Variants in LIN52 observed in about 807,000 individuals in gnomAD.
The protein encoded by LIN52 is lin-52 DREAM MuvB core complex component.
Under a neutral mutation model 18.5 loss-of-function variants are expected in LIN52, and 4 were observed. That is an observed-to-expected ratio of 0.22 (90% CI 0.11 to 0.49). The LOEUF is 0.49. Ranked by LOEUF, LIN52 falls within the 20% of genes least tolerant of loss-of-function variation. The probability of loss-of-function intolerance (pLI) is 0.97; values close to 1 mark genes in which losing one functional copy is unlikely to be tolerated. For synonymous variants in LIN52, 34 were observed against 45.5 expected, an observed-to-expected ratio of 0.75 and a Z score of 1.02; for missense variants, 102 against 139.5, an observed-to-expected ratio of 0.73 and a Z score of 1.35.
chr14:74,173,924 C>A (rs1432031757), intron 5 of LIN52, among the ~76,000 whole-genome samples: 3 of 152,324 alleles, frequency 2.0e-5, no homozygotes, highest in Admixed American at 2.0e-4. Flanking sequence ...AAGGACAGGG[C>A]AAGCTTCCTT....
In LIN52 at chr14:74,199,246, T is replaced by C. The variant is rs2078932879; in HGVS notation, c.*269T>C. 3.0e-6 allele frequency: 1 copy of C among 333,128 alleles called. No homozygotes were observed. The highest frequency in any genetic ancestry group is 5.4e-6 in the Non-Finnish European group (1 of 183,576). 20.6% of individuals were successfully genotyped at this position (333,128 alleles called of 1,614,324 possible). ...CGGATATTGGTAACAGCTGAGGGCA[T>C]ATCATTCTTAAAGGTCGAAGTCCTG... On this transcript the variant is annotated 3_prime_UTR_variant, in exon 6 of 6. Coordinates refer to ENST00000555028, the MANE Select transcript of LIN52 (RefSeq NM_001024674.3).
intron 5 of LIN52, among the ~76,000 whole-genome samples, chr14:74,173,249 A>T (rs1328797612): frequency 1.3e-5 from 2 of 152,028 alleles, no homozygotes; most frequent in Admixed American, 1.3e-4. Flanking sequence ...GTGCAATGGC[A>T]TGATCTCAGC....
At chr14:74,191,156 A>T (rs777889957) in intron 5 of LIN52, among the ~76,000 whole-genome samples, 2 of 152,246 alleles carry the variant, frequency 1.3e-5, no homozygotes, top group African/African-American at 2.4e-5. Context: ...AACGTTGCAC[A>T]TTCCTGCGAG....
chr14:74,139,013 C>G (rs957699810), intron 5 of LIN52, among the ~76,000 whole-genome samples: 1 of 149,456 alleles, frequency 6.7e-6, no homozygotes, highest in Non-Finnish European at 1.5e-5. Flanking sequence ...AAGGTGTCAT[C>G]AAGGACTAAA....
intron 5 of LIN52, among the ~76,000 whole-genome samples, chr14:74,181,107 C>CAAAAAA (rs149099646): frequency 7.3e-5 from 7 of 96,110 alleles, no homozygotes; most frequent in Admixed American, 1.2e-4. Context: ...GACTCTGTCT[C>CAAAAAA]AAAAAAAAAA....
chr14:74,177,794 T>C (rs1049787964), intron 5 of LIN52, among the ~76,000 whole-genome samples: 1 of 152,204 alleles, frequency 6.6e-6, no homozygotes, highest in Non-Finnish European at 1.5e-5. Flanking sequence ...TATTTATTTA[T>C]TGAGATGGAG....
intron 5 of LIN52, among the ~76,000 whole-genome samples, chr14:74,188,644 C>A (rs2061350328): frequency 6.6e-6 from 1 of 151,934 alleles, no homozygotes; most frequent in Admixed American, 6.6e-5. Flanking sequence ...TTCATCTCTG[C>A]CTGTTCTGGT....
chr14:74,100,141 T>TTAC (rs2060843368), intron 4 of LIN52, among the ~76,000 whole-genome samples: 1 of 152,206 alleles, frequency 6.6e-6, no homozygotes, highest in African/African-American at 2.4e-5. Context: ...TAATGTGGAC[T>TTAC]TACAATTAAC....
chr14:74,130,278 G>GTGTTTTTTTTTTTTTTTTTTTT (rs1566856480), intron 5 of LIN52, among the ~76,000 whole-genome samples: 71 of 64,822 alleles, frequency 1.1e-3, no homozygotes, highest in South Asian at 2.0e-3. Flanking sequence ...GCATTTTTTG[G>GTGTTTTTTTTTTTTTTTTTTTT]TTTTTTTTTT....
intron 5 of LIN52, among the ~76,000 whole-genome samples, chr14:74,185,822 C>T (rs758226221): frequency 3.9e-5 from 6 of 152,088 alleles, no homozygotes; most frequent in African/African-American, 1.2e-4. Flanking sequence ...TGTAGTGACA[C>T]GATCATCCCT....
At chr14:74,091,030 C>G (rs1395064087) in intron 1 of LIN52, among the ~76,000 whole-genome samples, 1 of 152,186 alleles carries the variant, frequency 6.6e-6, no homozygotes, top group Non-Finnish European at 1.5e-5. Context: ...ATATCATTCC[C>G]ATTCATAGAT....
chr14:74,105,053 CAT>C (rs1430052083), intron 5 of LIN52, among the ~76,000 whole-genome samples: 1 of 152,158 alleles, frequency 6.6e-6, no homozygotes, highest in African/African-American at 2.4e-5. Flanking sequence ...CTTCTACTGG[CAT>C]GATGGGATAA....
chr14:74,129,289 A>T (rs1199412545), intron 5 of LIN52, among the ~76,000 whole-genome samples: 1 of 152,206 alleles, frequency 6.6e-6, no homozygotes, highest in Non-Finnish European at 1.5e-5. Flanking sequence ...TTAAATCTCA[A>T]TGCCACGATA....
intron 5 of LIN52, among the ~76,000 whole-genome samples, chr14:74,113,439 A>G (rs1449354292): frequency 3.3e-5 from 5 of 152,098 alleles, no homozygotes; most frequent in African/African-American, 1.2e-4. Context: ...GAACACAAAG[A>G]TGGGTAGAAA....
At chr14:74,140,190 A>G (rs1383030046) in intron 5 of LIN52, among the ~76,000 whole-genome samples, 2 of 152,162 alleles carry the variant, frequency 1.3e-5, no homozygotes, top group East Asian at 1.9e-4. Flanking sequence ...AAAAAGCAGC[A>G]TTTTACTCTT....
At chr14:74,167,612 G>A (rs1300579983) in intron 5 of LIN52, among the ~76,000 whole-genome samples, 1 of 152,156 alleles carries the variant, frequency 6.6e-6, no homozygotes, top group East Asian at 1.9e-4. Flanking sequence ...TCAGGTTTTA[G>A]ATTAAGTATG....
At chr14:74,188,040 G>A (rs900711967) in intron 5 of LIN52, among the ~76,000 whole-genome samples, 3 of 152,142 alleles carry the variant, frequency 2.0e-5, no homozygotes. Flanking sequence ...CAACAAAATA[G>A]TTTATAGGGA....
chr14:74,084,983 T>C lies in LIN52; in HGVS notation c.9T>C (p.Ser3=). The part of the protein sequence containing the change: MA[S]PTDGTDLEAS... The stretch of plus-strand genomic sequence containing the variant: ...GTGACATGGGTTGGAAGATGGCGTC[T>C]CCCACAGACGGTAAGAGCCGGCTTA... The change falls in exon 1 of 6, where the codon TCT becomes TCC. Residue 3 remains serine, a synonymous_variant. Transcript: ENST00000555028. 7.0e-7 allele frequency: 1 copy of C among 1,424,978 alleles called. No individual in the cohort carries two copies. The highest frequency in any genetic ancestry group is 9.2e-7 in the Non-Finnish European group (1 of 1,084,526). 88.3% of individuals were successfully genotyped at this position (1,424,978 alleles called of 1,614,324 possible). A position where few individuals can be genotyped will look rare whatever the true frequency, so the allele number is the denominator to read the frequency against.
intron 2 of LIN52, among the ~76,000 whole-genome samples, chr14:74,094,954 C>T (rs2060798098): frequency 1.3e-5 from 2 of 151,668 alleles, no homozygotes; most frequent in South Asian, 4.2e-4. Context: ...TCTCCAACTC[C>T]TGAGCTCAGG....
Sources: allele counts gnomAD v4.1 joint callset (sites outside exome capture counted in the v4.1 genomes callset), GRCh38; gene constraint gnomAD v4.1.1; transcripts MANE v1.5; gene names NCBI Gene and HGNC (gene_info 2026-07-23, HGNC 2026-07-21).